The following SDK1 variants were observed in gnomAD, a reference collection of about 807,000 sequenced individuals.
SDK1 encodes protein sidekick-1.
SDK1 carries 157 observed loss-of-function variants against 245.5 expected under a neutral mutation model. The ratio of observed to expected loss-of-function variants is 0.64; its 90% CI spans 0.56 to 0.73. SDK1 has a LOEUF of 0.73. Ranked by LOEUF, SDK1 falls within the 30% of genes least tolerant of loss-of-function variation. The probability of loss-of-function intolerance (pLI) is 0.00; values close to 1 mark genes in which losing one functional copy is unlikely to be tolerated. For synonymous variants in SDK1, 1,647 were observed against 1,278.5 expected, an observed-to-expected ratio of 1.29 and a Z score of -6.15; for missense variants, 3,583 against 3,002.3, an observed-to-expected ratio of 1.19 and a Z score of -4.52.
chr7:3,895,906 T>TA (rs1781592691), intron 5 of SDK1, among the ~76,000 whole-genome samples: 1 of 152,240 alleles, frequency 6.6e-6, no homozygotes, highest in South Asian at 2.1e-4. Context: ...AACTTTCTGT[T>TA]ACTGATTTCT....
intron 1 of SDK1, among the ~76,000 whole-genome samples, chr7:3,588,474 C>G (rs747253247): frequency 6.6e-6 from 1 of 152,138 alleles, no homozygotes; most frequent in Non-Finnish European, 1.5e-5. Context: ...GCCCCCAGCT[C>G]GAAGTGTTTA....
intron 5 of SDK1, among the ~76,000 whole-genome samples, chr7:3,827,486 A>G (rs939000491): frequency 6.6e-6 from 1 of 152,244 alleles, no homozygotes; most frequent in African/African-American, 2.4e-5. Flanking sequence ...CAGGGGCAGA[A>G]TTGAGAAAGT....
intron 4 of SDK1, among the ~76,000 whole-genome samples, chr7:3,650,325 G>A (rs1353095659): frequency 6.7e-6 from 1 of 149,356 alleles, no homozygotes; most frequent in Non-Finnish European, 1.5e-5. Flanking sequence ...TTCATCTTGT[G>A]AAACTCTGTA....
At chr7:3,389,801 G>A (rs1055020130) in intron 1 of SDK1, among the ~76,000 whole-genome samples, 2 of 152,132 alleles carry the variant, frequency 1.3e-5, no homozygotes, top group Non-Finnish European at 1.5e-5. Context: ...TGGAGGTGGG[G>A]TGCTGTGGTA....
chr7:3,967,248 A>T (rs1321082161), intron 9 of SDK1, 70 bp from the exon 10 acceptor site: 1 of 1,199,554 alleles, frequency 8.3e-7, no homozygotes, highest in Admixed American at 1.7e-5. Flanking sequence ...CCCGTGCAGG[A>T]TACTCTGCCA....
At chr7:3,692,192 A>G (rs957406773) in intron 4 of SDK1, among the ~76,000 whole-genome samples, 1 of 152,042 alleles carries the variant, frequency 6.6e-6, no homozygotes, top group African/African-American at 2.4e-5. Context: ...TCAAGTTTCC[A>G]TTTTTTCTTA....
At chr7:3,880,888 T>C (rs1781193771) in intron 5 of SDK1, among the ~76,000 whole-genome samples, 1 of 152,090 alleles carries the variant, frequency 6.6e-6, no homozygotes, top group Admixed American at 6.5e-5. Context: ...TCACTTACCC[T>C]GGTGAAGGAA....
chr7:3,310,339 G>A (rs974889595), intron 1 of SDK1, among the ~76,000 whole-genome samples: 3 of 152,218 alleles, frequency 2.0e-5, no homozygotes, highest in Admixed American at 6.5e-5. Context: ...TTGAGAATGG[G>A]TTGGAAGAAA....
intron 38 of SDK1, among the ~76,000 whole-genome samples, chr7:4,216,920 T>C (rs1187439245): frequency 6.6e-6 from 1 of 152,112 alleles, no homozygotes; most frequent in African/African-American, 2.4e-5. Flanking sequence ...CCCGTCACTC[T>C]AGGGAACACT....
At chr7:4,248,716 G>A (rs74862734) in intron 44 of SDK1, among the ~76,000 whole-genome samples, 2,951 of 151,282 alleles carry the variant, frequency 0.02, 40 homozygotes, top group South Asian at 0.032. Context: ...GTACACACAC[G>A]CACACGCACA....
At chr7:4,227,353 C>G in intron 40 of SDK1, 1 of 470,706 alleles carries the variant, frequency 2.1e-6, no homozygotes, top group South Asian at 1.6e-5. Context: ...CAGCCTGCAA[C>G]ACGGGCTTTC....
chr7:3,786,813 C>T lies in SDK1; in HGVS notation c.714-34637C>T, dbSNP rs569845097. Among the ~76,000 whole-genome samples the T allele has an allele frequency of 3.2e-4, 48 of 152,172 alleles. 1 individual carries two copies. Among genetic ancestry groups the T allele is most frequent in the African/African-American group, 1.1e-3 (46 of 41,526 alleles). ...TTTAAAACAAGTTTTGAGGAATACA[C>T]CTCGGTAGTACTACTGTACAGCTGG... is the stretch of plus-strand genomic sequence containing the variant. On this transcript the variant is annotated intron_variant, in intron 4 of 44. Coordinates refer to ENST00000404826, the MANE Select transcript of SDK1 (RefSeq NM_152744.4).
intron 1 of SDK1, among the ~76,000 whole-genome samples, chr7:3,342,729 A>G (rs976468976): frequency 2.6e-5 from 4 of 152,208 alleles, no homozygotes; most frequent in South Asian, 2.1e-4. Flanking sequence ...ATGAAAGAGC[A>G]TATTAAGAGG....
chr7:3,614,222 C>G (rs1026235436), intron 1 of SDK1, among the ~76,000 whole-genome samples: 1 of 152,188 alleles, frequency 6.6e-6, no homozygotes, highest in African/African-American at 2.4e-5. Context: ...AGATGAGACT[C>G]TCTCTTTCAT....
intron 1 of SDK1, among the ~76,000 whole-genome samples, chr7:3,314,308 C>G (rs749230879): frequency 2.0e-5 from 3 of 152,156 alleles, no homozygotes; most frequent in Admixed American, 2.0e-4. Flanking sequence ...TGCCAAAGGA[C>G]CAAACATCAA....
intron 4 of SDK1, chr7:3,643,278 G>A (rs1159133163): frequency 6.6e-6 from 1 of 150,600 alleles, no homozygotes; most frequent in African/African-American, 2.5e-5. Context: ...AACATCTGTG[G>A]AATCCTTTCC....
At chr7:3,799,263 C>A (rs1044642558) in intron 4 of SDK1, among the ~76,000 whole-genome samples, 1 of 152,000 alleles carries the variant, frequency 6.6e-6, no homozygotes, top group Non-Finnish European at 1.5e-5. Flanking sequence ...CCAACTGAAT[C>A]TGGAAAGAAA....
intron 1 of SDK1, among the ~76,000 whole-genome samples, chr7:3,401,016 T>TAGTC: frequency 6.6e-6 from 1 of 152,136 alleles, no homozygotes; most frequent in Non-Finnish European, 1.5e-5. Flanking sequence ...TCGAGATGAG[T>TAGTC]AGTCATCTAA....
intron 1 of SDK1, among the ~76,000 whole-genome samples, chr7:3,463,720 C>G (rs910965403): frequency 6.6e-6 from 1 of 152,188 alleles, no homozygotes; most frequent in Non-Finnish European, 1.5e-5. Flanking sequence ...TCATTCATTT[C>G]CCCCTCTCTG....
Sources: allele counts gnomAD v4.1 joint callset (sites outside exome capture counted in the v4.1 genomes callset), GRCh38; gene constraint gnomAD v4.1.1; transcripts MANE v1.5; gene names NCBI Gene and HGNC (gene_info 2026-07-23, HGNC 2026-07-21).